SPATS2L: variants seen among roughly 807,000 people sequenced by gnomAD.
The protein encoded by SPATS2L is SPATS2-like protein.
In SPATS2L, 30 loss-of-function variants were observed where a neutral mutation model predicts 59.6. The ratio of observed to expected loss-of-function variants is 0.50; its 90% confidence interval spans 0.38 to 0.68. The LOEUF is 0.68. Among genes scored for constraint, SPATS2L ranks in the 30% least tolerant of loss-of-function variants. The pLI is 0.00. For missense variants in SPATS2L, 615 were observed against 700.0 expected, an observed-to-expected ratio of 0.88 and a Z score of 1.37; for synonymous variants, 252 against 263.5, an observed-to-expected ratio of 0.96 and a Z score of 0.42.
Position 200,337,401 on chromosome 2 carries a change from A to G in SPATS2L, c.-23+7921A>G, listed in dbSNP as rs567273124. Among the ~76,000 whole-genome samples the G allele has an allele frequency of 6.6e-5, 10 of 152,344 alleles. No homozygotes were observed. In the South Asian group the frequency reaches 2.1e-3, roughly 32 times the overall value. On this transcript the variant is annotated intron_variant, in intron 2 of 12. Transcript: ENST00000409140. ...TTGAACTTTGGGCCAGCCATAGTCA[A>G]TAGCAAAAGCATCTTGGTAGCTTTG...
chr2:200,440,859 A>C, intron 8 of SPATS2L, 75 bp downstream of exon 8: 5 of 1,524,490 alleles, frequency 3.3e-6, no homozygotes, highest in South Asian at 1.2e-5. Context: ...TCAGATGGAA[A>C]ACGTTGTTTA....
chr2:200,328,776 G>A (rs918638039), intron 1 of SPATS2L, among the ~76,000 whole-genome samples: 4 of 152,204 alleles, frequency 2.6e-5, no homozygotes, highest in African/African-American at 4.8e-5. Context: ...GTTGACTTAC[G>A]ACCTTGGCAC....
intron 3 of SPATS2L, among the ~76,000 whole-genome samples, chr2:200,403,076 C>G (rs373791041): frequency 6.6e-6 from 1 of 152,172 alleles, no homozygotes; most frequent in Non-Finnish European, 1.5e-5. Context: ...TCAAACTCAA[C>G]GGAAGGAGAG....
intron 8 of SPATS2L, among the ~76,000 whole-genome samples, chr2:200,445,808 C>T (rs2084996905): frequency 1.3e-5 from 2 of 151,558 alleles, no homozygotes; most frequent in African/African-American, 2.4e-5. Context: ...TAGCTGCTTT[C>T]GTGTGATTCC....
At chr2:200,401,199 AGG>A (rs756045661) in intron 3 of SPATS2L, among the ~76,000 whole-genome samples, 2 of 129,834 alleles carry the variant, frequency 1.5e-5, no homozygotes, top group Admixed American at 7.8e-5. Flanking sequence ...AGACTGCACA[AGG>A]AGAGAGAGGC....
chr2:200,437,486 A>G (rs2084379937), intron 6 of SPATS2L, among the ~76,000 whole-genome samples: 1 of 152,176 alleles, frequency 6.6e-6, no homozygotes, highest in Non-Finnish European at 1.5e-5. Context: ...TGCATGTGTA[A>G]TAAGTACCAA....
chr2:200,322,032 T>C (rs2079576587), intron 1 of SPATS2L, among the ~76,000 whole-genome samples: 1 of 152,218 alleles, frequency 6.6e-6, no homozygotes, highest in Non-Finnish European at 1.5e-5. Context: ...TAGTTAGCAT[T>C]GTGCCTTCTA....
intron 2 of SPATS2L, among the ~76,000 whole-genome samples, chr2:200,361,678 C>T (rs1390829917): frequency 6.6e-6 from 1 of 152,194 alleles, no homozygotes; most frequent in African/African-American, 2.4e-5. Context: ...ATAAGCCAGT[C>T]CTTTGCCATC....
At chr2:200,470,806 A>G (rs534592539) in intron 11 of SPATS2L, among the ~76,000 whole-genome samples, 250 of 152,272 alleles carry the variant, frequency 1.6e-3, no homozygotes, top group African/African-American at 5.7e-3. Context: ...TCACTTCACA[A>G]TCTATGGTAG....
Position 200,416,113 on chromosome 2 carries a change from C to T in SPATS2L, c.149-266C>T, listed in dbSNP as rs565229791. On this transcript the variant is annotated intron_variant, in intron 4 of 12. Coordinates refer to ENST00000409140, the MANE Select transcript of SPATS2L (RefSeq NM_001100423.2). ...AAATTCTCAAGATATATTTCATTTTCCGTACGACAATATAATGATAAAAAA... is the reference window on the plus strand; with the variant it reads ...AAATTCTCAAGATATATTTCATTTTTCGTACGACAATATAATGATAAAAAA... 3.3e-5 allele frequency among the ~76,000 whole-genome samples: 5 copies of T among 152,014 alleles called. No homozygotes were observed. In the South Asian group the frequency reaches 1.0e-3, roughly 32 times the overall value.
At chr2:200,420,614 T>G (rs1267534647) in intron 6 of SPATS2L, among the ~76,000 whole-genome samples, 1 of 152,244 alleles carries the variant, frequency 6.6e-6, no homozygotes, top group African/African-American at 2.4e-5. Flanking sequence ...GCTGCTGATG[T>G]GGTTTTCCAC....
chr2:200,306,408 AAG>A (rs2079012062), upstream of SPATS2L: 9 of 1,002,250 alleles, frequency 9.0e-6, no homozygotes, highest in African/African-American at 1.7e-5. Context: ...GGTCTGGAGC[AAG>A]CAAGCAAAGT....
intron 2 of SPATS2L, among the ~76,000 whole-genome samples, chr2:200,333,926 A>G (rs2080047927): frequency 6.6e-6 from 1 of 152,040 alleles, no homozygotes; most frequent in Non-Finnish European, 1.5e-5. Context: ...GGTTGGTTCC[A>G]AGTCTTTGCT....
In SPATS2L at chr2:200,478,154, CTT is replaced by C; in HGVS notation, c.*124_*125del. The C allele has an allele frequency of 1.1e-6, 1 of 937,924 alleles. No homozygotes were observed. Among genetic ancestry groups the C allele is most frequent in the Non-Finnish European group, 1.5e-6 (1 of 668,624 alleles). 58.1% of individuals were successfully genotyped at this position (937,924 alleles called of 1,614,324 possible). On this transcript the variant is annotated 3_prime_UTR_variant, in exon 13 of 13. Transcript: ENST00000409140. ...ATCCCGTATGGTTGTGTCATCCTCT[CTT>C]AATCATTTTTACTAATTCTAATAAT...
intron 2 of SPATS2L, among the ~76,000 whole-genome samples, chr2:200,354,330 C>T (rs1229277094): frequency 6.6e-6 from 1 of 152,110 alleles, no homozygotes; most frequent in Non-Finnish European, 1.5e-5. Flanking sequence ...AAGTTCAGGT[C>T]GGGCGCGATG....
chr2:200,365,668 C>T (rs2081246947), intron 2 of SPATS2L, among the ~76,000 whole-genome samples: 1 of 152,126 alleles, frequency 6.6e-6, no homozygotes. Flanking sequence ...ACTGTGTCCC[C>T]ATTCACCTAG....
rs1406373046 is a variant in SPATS2L at position 200,345,448 on chromosome 2, G to GACAAAA, written c.-23+15968_-23+15969insACAAAA. Among the ~76,000 whole-genome samples the GACAAAA allele has an allele frequency of 1.1e-3, 171 of 152,306 alleles. 1 individual carries two copies. The highest frequency in any genetic ancestry group is 2.0e-3 in the Admixed American group (31 of 15,298). ...AAACATATTTCAGCTGAACATGTGTGCTGTGATTTTGAAAACACTGACTAC... is the reference window on the plus strand; with the variant it reads ...AAACATATTTCAGCTGAACATGTGTGACAAAACTGTGATTTTGAAAACACTGACTAC... On this transcript the variant is annotated intron_variant, in intron 2 of 12. Transcript: ENST00000409140.
rs2087730815 is a variant in SPATS2L at position 200,479,611 on chromosome 2, A to G, written c.*1580A>G. 2.5e-6 allele frequency: 1 copy of G among 398,504 alleles called. No homozygotes were observed. Among genetic ancestry groups the G allele is most frequent in the African/African-American group, 2.1e-5 (1 of 48,636 alleles). The allele number at this position is 398,504 out of a possible 1,614,324, so 24.7% of individuals were successfully genotyped here. A position where few individuals can be genotyped will look rare whatever the true frequency, so the allele number is the denominator to read the frequency against. ...AACCCAAAATAGCCCCAGTTCCCCT[A>G]ACTTTGACTACAGGGCAGTCCAGTT... is the stretch of plus-strand genomic sequence containing the variant. On this transcript the variant is annotated 3_prime_UTR_variant, in exon 13 of 13. Transcript: ENST00000409140.
Position 200,339,461 on chromosome 2 carries a change from A to G in SPATS2L, c.-23+9981A>G, listed in dbSNP as rs959356035. 3.3e-5 allele frequency among the ~76,000 whole-genome samples: 5 copies of G among 152,290 alleles called. No homozygotes were observed. In the South Asian group the frequency reaches 1.0e-3, roughly 32 times the overall value. On this transcript the variant is annotated intron_variant, in intron 2 of 12. Transcript: ENST00000409140. ...GGTTTGAAAATATGGGAACTTCTTA[A>G]TGAGATGTGTTTAATAGTCTATGCA...
Sources: allele counts gnomAD v4.1 joint callset (sites outside exome capture counted in the v4.1 genomes callset), GRCh38; gene constraint gnomAD v4.1.1; transcripts MANE v1.5; gene names NCBI Gene and HGNC (gene_info 2026-07-23, HGNC 2026-07-21).